Variants in FUCA1 observed in about 807,000 individuals in gnomAD.
FUCA1 encodes the protein alpha-L-fucosidase 1, also known as tissue alpha-L-fucosidase.
Under a neutral mutation model 56.8 loss-of-function variants are expected in FUCA1, and 52 were observed. The observed-to-expected ratio is 0.92, with a 90% CI of 0.73 to 1.15. The LOEUF is 1.15. FUCA1 is among the 50% of genes most tolerant of loss of function. The pLI is 0.00. For missense variants in FUCA1, 568 were observed against 592.6 expected (o/e 0.96, Z 0.43); for synonymous variants, 230 against 226.6 (o/e 1.02, Z -0.14).
At chr1:23,847,464 T>C (rs1263149097) in intron 6 of FUCA1, among the ~76,000 whole-genome samples, 2 of 152,048 alleles carry the variant, frequency 1.3e-5, no homozygotes, top group Admixed American at 6.5e-5. Context: ...GGAAACTTAA[T>C]CCCCAAATTC....
intron 5 of FUCA1, among the ~76,000 whole-genome samples, chr1:23,852,678 G>A: frequency 6.6e-6 from 1 of 152,146 alleles, no homozygotes; most frequent in Non-Finnish European, 1.5e-5. Flanking sequence ...GGGTTTCGCT[G>A]TGTTGGCCGG....
chr1:23,852,875 T>C (rs1465706301), intron 5 of FUCA1, among the ~76,000 whole-genome samples: 1 of 151,876 alleles, frequency 6.6e-6, no homozygotes, highest in Non-Finnish European at 1.5e-5. Context: ...GTGCCGAGAT[T>C]GCAGCCTCTG....
chr1:23,862,244 C>T (rs571214384), intron 3 of FUCA1, among the ~76,000 whole-genome samples: 1 of 152,338 alleles, frequency 6.6e-6, no homozygotes, highest in African/African-American at 2.4e-5. Flanking sequence ...TCTCGGCTCA[C>T]TGCAACTGCC....
chr1:23,849,863 G>A (rs1489521365), intron 5 of FUCA1, among the ~76,000 whole-genome samples: 4 of 151,938 alleles, frequency 2.6e-5, no homozygotes, highest in Non-Finnish European at 5.9e-5. Flanking sequence ...TTACAGGTGT[G>A]AGCCACCGTG....
intron 6 of FUCA1, among the ~76,000 whole-genome samples, chr1:23,847,089 A>G (rs552736971): frequency 1.3e-5 from 2 of 152,284 alleles, no homozygotes; most frequent in African/African-American, 4.8e-5. Flanking sequence ...GGGAGCACCA[A>G]TAACTCAATA....
chr1:23,846,509 G>C (rs1007168158), intron 6 of FUCA1, among the ~76,000 whole-genome samples: 10 of 152,042 alleles, frequency 6.6e-5, no homozygotes, highest in Admixed American at 3.9e-4. Flanking sequence ...GGCCTCAAGT[G>C]ATCCACCTGC....
chr1:23,853,624 G>C (rs1383175010), intron 5 of FUCA1, among the ~76,000 whole-genome samples: 1 of 151,358 alleles, frequency 6.6e-6, no homozygotes, highest in African/African-American at 2.4e-5. Flanking sequence ...AATAGAAAGG[G>C]GGGAAAGGCG....
At position 23,862,400 on chromosome 1, in the gene FUCA1, C is replaced by T. The variant is rs375094770; in HGVS notation, c.662+734G>A. On this transcript the variant is annotated intron_variant, in intron 3 of 7. Coordinates refer to ENST00000374479, the MANE Select transcript of FUCA1 (RefSeq NM_000147.5). ...CAGGCTGGTCTCGAACTCCTGACTT[C>T]AAGTGATCTGCCTGCCTCGGCCTCC... 1.6e-4 allele frequency among the ~76,000 whole-genome samples: 25 copies of T among 152,188 alleles called. No homozygotes were observed. In the East Asian group the frequency reaches 3.5e-3, roughly 21 times the overall value.
At chr1:23,859,291 G>A (rs1639457868) in intron 4 of FUCA1, among the ~76,000 whole-genome samples, 1 of 152,036 alleles carries the variant, frequency 6.6e-6, no homozygotes, top group African/African-American at 2.4e-5. Flanking sequence ...AGATTGCCGG[G>A]TGCGGTGGCT....
At position 23,864,570 on chromosome 1, in the gene FUCA1, TG is replaced by T. The variant is rs1445534019; in HGVS notation, c.524+920del. Among the ~76,000 whole-genome samples, 7 of 152,154 alleles carry T rather than the reference TG, an allele frequency of 4.6e-5. No homozygotes were observed. In the East Asian group the frequency reaches 1.3e-3, roughly 29 times the overall value. On this transcript the variant is annotated intron_variant, in intron 2 of 7. Transcript: ENST00000374479. ...ATATGACCCAGGGACTAAATAAAGA[TG>T]GTAAAAATCATGACTCCTGAAGTCC... is the stretch of plus-strand genomic sequence containing the variant.
intron 5 of FUCA1, among the ~76,000 whole-genome samples, chr1:23,853,295 G>T (rs1476084592): frequency 6.6e-6 from 1 of 151,902 alleles, no homozygotes. Context: ...ACCCCGTCTG[G>T]TAAGTGAGGA....
chr1:23,862,917 A>G (rs1015985109), intron 3 of FUCA1, among the ~76,000 whole-genome samples: 1 of 152,220 alleles, frequency 6.6e-6, no homozygotes, highest in Admixed American at 6.5e-5. Context: ...GTTTTGTGTG[A>G]TTGTTTCAAT....
At chr1:23,854,657 T>TA in intron 4 of FUCA1, 97 bp from the exon 5 acceptor site, 1 of 1,044,374 alleles carries the variant, frequency 9.6e-7, no homozygotes, top group African/African-American at 1.5e-5. Flanking sequence ...GCAAGAAACT[T>TA]AGTCTAGAGC....
intron 2 of FUCA1, among the ~76,000 whole-genome samples, chr1:23,864,736 G>A (rs1298722365): frequency 6.8e-6 from 1 of 146,422 alleles, no homozygotes; most frequent in Admixed American, 7.0e-5. Flanking sequence ...ACGGAGTCTC[G>A]CTCTGCCACC....
intron 2 of FUCA1, among the ~76,000 whole-genome samples, chr1:23,864,855 C>T (rs1362517113): frequency 1.3e-5 from 2 of 152,004 alleles, no homozygotes; most frequent in African/African-American, 4.8e-5. Flanking sequence ...CAGGCAAACG[C>T]CACCACGCCC....
chr1:23,856,445 T>C (rs986952560), intron 4 of FUCA1, among the ~76,000 whole-genome samples: 1 of 152,234 alleles, frequency 6.6e-6, no homozygotes, highest in Non-Finnish European at 1.5e-5. Flanking sequence ...ATACTTCTAC[T>C]ATCATACTGG....
At chr1:23,849,439 T>G (rs565346538) in intron 5 of FUCA1, among the ~76,000 whole-genome samples, 160 of 152,164 alleles carry the variant, frequency 1.1e-3, no homozygotes, top group African/African-American at 3.1e-3. Flanking sequence ...TGGTGCTGAG[T>G]GCAGTGGGAA....
intron 4 of FUCA1, among the ~76,000 whole-genome samples, 170 bp downstream of exon 4, chr1:23,859,628 G>C (rs1639465814): frequency 6.6e-6 from 1 of 151,642 alleles, no homozygotes; most frequent in African/African-American, 2.4e-5. Context: ...GGGAGCCAGG[G>C]AAGATTAAAG....
At position 23,859,903 on chromosome 1, in the gene FUCA1, G is replaced by T; in HGVS notation, c.663C>A (p.Ser221Arg). The change falls in exon 4 of 8, where the codon AGC becomes AGA. Residue 221 changes from serine to arginine, a missense_variant and splice_region_variant. Ser to Arg is a moderately radical substitution (Grantham distance 110, BLOSUM62 -1). Coordinates refer to ENST00000374479, the MANE Select transcript of FUCA1 (RefSeq NM_000147.5). ...TMPELYDLVN[S>R]YKPDLIWSDG... ...CAGACCAGATCAGATCAGGTTTATA[G>T]CTGGAAGACATGTGATCAGGACAGA... 6.3e-7 allele frequency: 1 copy of T among 1,587,738 alleles called. No homozygotes were observed. The highest frequency in any genetic ancestry group is 8.6e-7 in the Non-Finnish European group (1 of 1,156,096).
Sources: allele counts gnomAD v4.1 joint callset (sites outside exome capture counted in the v4.1 genomes callset), GRCh38; gene constraint gnomAD v4.1.1; transcripts MANE v1.5; gene names NCBI Gene and HGNC (gene_info 2026-07-23, HGNC 2026-07-21).